CCDC150: variants seen among roughly 807,000 people sequenced by gnomAD.
CCDC150 encodes coiled-coil domain containing 150.
Under a neutral mutation model 156.5 loss-of-function variants are expected in CCDC150, and 151 were observed. That is an observed-to-expected ratio of 0.97 (90% CI 0.85 to 1.10). The LOEUF is 1.10. Among genes scored for constraint, CCDC150 ranks in the 50% least tolerant of loss-of-function variants. CCDC150 has a pLI of 0.00. For synonymous variants in CCDC150, 452 were observed against 429.4 expected (o/e 1.05, Z -0.65); for missense variants, 1,312 against 1,268.1 (o/e 1.03, Z -0.53).
chr2:196,706,856 G>A (rs1696685363), intron 15 of CCDC150, among the ~76,000 whole-genome samples: 1 of 152,208 alleles, frequency 6.6e-6, no homozygotes, highest in African/African-American at 2.4e-5. Flanking sequence ...TCCCAGAGAT[G>A]AAGCTGACTT....
At chr2:196,684,610 C>T (rs1222111206) in intron 13 of CCDC150, among the ~76,000 whole-genome samples, 1 of 152,120 alleles carries the variant, frequency 6.6e-6, no homozygotes, top group Non-Finnish European at 1.5e-5. Flanking sequence ...CATTAATCTT[C>T]TGTCCAGTTG....
At chr2:196,684,998 A>G (rs1171373785) in intron 13 of CCDC150, among the ~76,000 whole-genome samples, 3 of 152,044 alleles carry the variant, frequency 2.0e-5, no homozygotes, top group African/African-American at 4.8e-5. Flanking sequence ...AATTTTGCCT[A>G]TCTCTGTGCT....
intron 2 of CCDC150, among the ~76,000 whole-genome samples, chr2:196,652,520 A>G (rs575061011): frequency 6.6e-6 from 1 of 152,344 alleles, no homozygotes; most frequent in East Asian, 1.9e-4. Flanking sequence ...GGCTTTGAAC[A>G]GCTCTGTCCC....
intron 2 of CCDC150, among the ~76,000 whole-genome samples, chr2:196,655,205 ATAC>A (rs1276746514): frequency 6.6e-6 from 1 of 152,196 alleles, no homozygotes; most frequent in African/African-American, 2.4e-5. Flanking sequence ...GCAAATACCT[ATAC>A]TACTGTCATT....
chr2:196,666,133 A>G, intron 6 of CCDC150, among the ~76,000 whole-genome samples: 1 of 152,182 alleles, frequency 6.6e-6, no homozygotes, highest in East Asian at 1.9e-4. Context: ...AACAATCAGG[A>G]CTATATTTAC....
chr2:196,732,660 G>A lies in CCDC150; in HGVS notation c.*98G>A. The A allele has an allele frequency of 1.3e-6, 1 of 791,244 alleles. No homozygotes were observed. The highest frequency in any genetic ancestry group is 2.2e-6 in the Non-Finnish European group (1 of 464,500). The allele number at this position is 791,244 out of a possible 1,614,324, so 49.0% of individuals were successfully genotyped here. On this transcript the variant is annotated 3_prime_UTR_variant, in exon 28 of 28. Coordinates refer to ENST00000389175, the MANE Select transcript of CCDC150 (RefSeq NM_001080539.2). ...CCTGTTTCTAGAGTCATAAGAACAT[G>A]AAGTCTTTGATGTGGGCTGAAGATT...
chr2:196,689,871 T>C (rs896962427), intron 13 of CCDC150, among the ~76,000 whole-genome samples: 10 of 152,228 alleles, frequency 6.6e-5, no homozygotes, highest in African/African-American at 2.4e-4. Flanking sequence ...AGTATGATAT[T>C]GGCTGTGGGT....
Position 196,676,261 on chromosome 2 carries a change from C to A in CCDC150, c.1256C>A (p.Ala419Glu), listed in dbSNP as rs375520178. The change falls in exon 11 of 28, where the codon GCA becomes GAA. Residue 419 changes from alanine to glutamate, a missense_variant. Physicochemically the swap from Ala to Glu is moderately radical, Grantham distance 107 (BLOSUM62 -1). Coordinates refer to ENST00000389175, the MANE Select transcript of CCDC150 (RefSeq NM_001080539.2). Reference sequence around the variant, plus strand: ...CAGAATGAGAAAACCCAACTCCAGGCACATCTGTAAGTAAATTATGGGCAA... The same window carrying A: ...CAGAATGAGAAAACCCAACTCCAGGAACATCTGTAAGTAAATTATGGGCAA... The part of the protein sequence containing the change: ...TVQNEKTQLQ[A>E]HLDHLILEHN... 7.7e-5 allele frequency: 125 copies of A among 1,613,240 alleles called. 1 individual carries two copies. In the East Asian group the frequency reaches 2.2e-3, roughly 28 times the overall value.
intron 17 of CCDC150, among the ~76,000 whole-genome samples, chr2:196,715,798 A>T (rs1697458188): frequency 6.6e-6 from 1 of 152,204 alleles, no homozygotes; most frequent in Admixed American, 6.5e-5. Flanking sequence ...ATCTTGGATT[A>T]CACAAAGATT....
intron 15 of CCDC150, among the ~76,000 whole-genome samples, chr2:196,704,552 A>C (rs537107721): frequency 4.0e-4 from 61 of 152,210 alleles, no homozygotes; most frequent in African/African-American, 1.5e-3. Flanking sequence ...TTTTAAAATC[A>C]GTATTTTTTT....
intron 14 of CCDC150, among the ~76,000 whole-genome samples, chr2:196,699,805 C>A (rs568931611): frequency 6.6e-6 from 1 of 152,326 alleles, no homozygotes; most frequent in African/African-American, 2.4e-5. Context: ...CAAGTGTGAG[C>A]CACTGTGCCC....
In CCDC150 at chr2:196,720,591, AG is replaced by A. The variant is rs1222876062; in HGVS notation, c.2185del (p.Val729CysfsTer33). 6.2e-7 allele frequency: 1 copy of A among 1,613,800 alleles called. No individual in the cohort carries two copies. Among genetic ancestry groups the A allele is most frequent in the Admixed American group, 1.7e-5 (1 of 60,006 alleles). On this transcript the variant is annotated frameshift_variant, in exon 20 of 28. Transcript: ENST00000389175. LOFTEE classifies it high-confidence loss of function. ...TATTTTTAGGGATCTCAATCAACAG[AG>A]GGTGCAGAAGCTGGAAGCTGAAGTG... is the stretch of plus-strand genomic sequence containing the variant. ...LKKERDLNQQRVQKLEAEVDQ... is the reference protein window; with the variant it reads ...LKKERDLNQQXVQKLEAEVDQ...
chr2:196,682,139 A>G lies in CCDC150; in HGVS notation c.1509+4778A>G, dbSNP rs74264966. Among the ~76,000 whole-genome samples the G allele has an allele frequency of 1.2e-4, 18 of 152,108 alleles. No homozygotes were observed. The East Asian group carries it at 3.1e-3, about 26-fold the overall frequency. On this transcript the variant is annotated intron_variant, in intron 13 of 27. Coordinates refer to ENST00000389175, the MANE Select transcript of CCDC150 (RefSeq NM_001080539.2). ...ACTTTGAGTTTATTTTATATGTGCT[A>G]TGAGGTAAGGGTTTGACTTCATTAT...
At chr2:196,692,416 G>T (rs1008756935) in intron 13 of CCDC150, among the ~76,000 whole-genome samples, 1 of 151,542 alleles carries the variant, frequency 6.6e-6, no homozygotes, top group Non-Finnish European at 1.5e-5. Flanking sequence ...TTACAGGCGT[G>T]AGCCACCGCG....
At chr2:196,677,447 G>A in intron 13 of CCDC150, 86 bp downstream of exon 13, 2 of 874,090 alleles carry the variant, frequency 2.3e-6, no homozygotes. Flanking sequence ...ATGAGGAGAT[G>A]GCTGATGAAT....
At position 196,706,906 on chromosome 2, in the gene CCDC150, G is replaced by C. The variant is rs185463577; in HGVS notation, c.1696-5239G>C. ...AGCTTTTTGATGTGCTGCTGGATTT[G>C]TTTTGCCAGTATTTTATTGAGGATT... On this transcript the variant is annotated intron_variant, in intron 15 of 27. Coordinates refer to ENST00000389175, the MANE Select transcript of CCDC150 (RefSeq NM_001080539.2). 6.6e-5 allele frequency among the ~76,000 whole-genome samples: 10 copies of C among 152,204 alleles called. No homozygotes were observed. In the East Asian group the frequency reaches 1.9e-3, roughly 29 times the overall value.
chr2:196,676,417 C>A, intron 11 of CCDC150, 137 bp from the exon 12 acceptor site: 1 of 1,307,454 alleles, frequency 7.6e-7, no homozygotes, highest in Non-Finnish European at 1.1e-6. Context: ...ACTCTGCCCT[C>A]AAGAAACTAG....
chr2:196,721,005 A>G (rs1487367788), intron 20 of CCDC150, among the ~76,000 whole-genome samples: 3 of 152,142 alleles, frequency 2.0e-5, no homozygotes, highest in Non-Finnish European at 4.4e-5. Context: ...CCCACTATTA[A>G]TAAGGAGTCA....
chr2:196,646,138 T>G (rs1307384978), intron 1 of CCDC150, among the ~76,000 whole-genome samples: 1 of 152,170 alleles, frequency 6.6e-6, no homozygotes, highest in Admixed American at 6.5e-5. Context: ...GTTGCTCATC[T>G]CATAGGGGAG....
Sources: gnomAD v4.1 joint callset for allele counts (sites outside exome capture counted in the v4.1 genomes callset) on GRCh38, gnomAD v4.1.1 for gene constraint, MANE v1.5 for transcripts, NCBI Gene and HGNC (gene_info 2026-07-23, HGNC 2026-07-21) for gene names.